Variants in PTPRC observed in about 807,000 individuals in gnomAD.
PTPRC encodes protein tyrosine phosphatase receptor type C, also known as receptor-type tyrosine-protein phosphatase C.
A neutral mutation model predicts 155.9 loss-of-function variants in PTPRC; 44 were observed. The observed-to-expected ratio is 0.28, with a 90% CI of 0.22 to 0.36. The LOEUF (loss-of-function observed/expected upper bound fraction) is 0.36, where lower values mean the gene tolerates loss of function less well. Among genes scored for constraint, PTPRC ranks in the 10% least tolerant of loss-of-function variants. The pLI is 1.00. For synonymous variants in PTPRC, 525 were observed against 533.1 expected (o/e 0.98, Z 0.21); for missense variants, 1,401 against 1,564.6 (o/e 0.90, Z 1.76).
chr1:198,708,774 G>A (rs1206511467), intron 10 of PTPRC, among the ~76,000 whole-genome samples: 1 of 152,116 alleles, frequency 6.6e-6, no homozygotes, highest in African/African-American at 2.4e-5. Context: ...GATATGTTTG[G>A]ATTTGAATTG....
At chr1:198,747,975 A>C in intron 26 of PTPRC, 134 bp from the exon 27 acceptor site, 1 of 1,352,932 alleles carries the variant, frequency 7.4e-7, no homozygotes, top group South Asian at 1.4e-5. Context: ...AAACCGAAAA[A>C]TTATGGCCTA....
At chr1:198,671,058 G>C (rs1043903742) in intron 2 of PTPRC, among the ~76,000 whole-genome samples, 3 of 151,610 alleles carry the variant, frequency 2.0e-5, no homozygotes, top group Admixed American at 6.6e-5. Context: ...ATGTCACATT[G>C]TACCTTATAA....
chr1:198,709,870 A>T, intron 11 of PTPRC, 46 bp downstream of exon 11: 5 of 1,595,190 alleles, frequency 3.1e-6, no homozygotes, highest in Non-Finnish European at 4.3e-6. Flanking sequence ...TTCTCTCTTC[A>T]TGTTCTTATA....
chr1:198,702,840 T>A (rs1318342710), intron 6 of PTPRC, among the ~76,000 whole-genome samples: 4 of 152,228 alleles, frequency 2.6e-5, no homozygotes, highest in Non-Finnish European at 5.9e-5. Flanking sequence ...GGCAAATTAC[T>A]AATACTTTCT....
At chr1:198,641,375 G>T (rs1211455583) in intron 2 of PTPRC, among the ~76,000 whole-genome samples, 1 of 151,942 alleles carries the variant, frequency 6.6e-6, no homozygotes, top group Non-Finnish European at 1.5e-5. Flanking sequence ...TTAGTTTAGT[G>T]CCTACAGGAA....
chr1:198,661,847 A>G (rs971750622), intron 2 of PTPRC, among the ~76,000 whole-genome samples: 4 of 152,182 alleles, frequency 2.6e-5, no homozygotes, highest in African/African-American at 9.7e-5. Flanking sequence ...GACAAAATAG[A>G]CTTCTTTAAG....
At chr1:198,741,724 T>TAAG (rs1654907748) in intron 23 of PTPRC, 145 bp from the exon 24 acceptor site, 2 of 798,622 alleles carry the variant, frequency 2.5e-6, no homozygotes, top group East Asian at 5.4e-5. Context: ...AGAAAATATA[T>TAAG]AAGACACCTG....
chr1:198,754,915 C>T (rs1484547770), intron 32 of PTPRC, among the ~76,000 whole-genome samples: 3 of 152,106 alleles, frequency 2.0e-5, no homozygotes, highest in East Asian at 1.9e-4. Context: ...TGCCAGTAGG[C>T]TGGCATGTGG....
At chr1:198,690,513 CAAG>C (rs940589286) in intron 2 of PTPRC, among the ~76,000 whole-genome samples, 1 of 151,368 alleles carries the variant, frequency 6.6e-6, no homozygotes, top group African/African-American at 2.4e-5. Context: ...AATGAGAAAA[CAAG>C]AAAGTCATTA....
intron 4 of PTPRC, 85 bp downstream of exon 4, chr1:198,696,994 T>C: frequency 8.1e-7 from 1 of 1,230,418 alleles, no homozygotes. Context: ...TGTCTTTAAA[T>C]TATTTGCACA....
At chr1:198,703,648 T>C (rs999872760) in intron 7 of PTPRC, 2 of 534,558 alleles carry the variant, frequency 3.7e-6, no homozygotes, top group Non-Finnish European at 6.7e-6. Context: ...GGGGTTTAGG[T>C]CTTAGTAAGG....
chr1:198,692,882 A>G (rs1375941069), intron 3 of PTPRC: 1 of 890,502 alleles, frequency 1.1e-6, no homozygotes, highest in Non-Finnish European at 1.3e-6. Context: ...GAACACTTCA[A>G]TAGTCCTTAT....
At chr1:198,665,960 A>G (rs190084236) in intron 2 of PTPRC, among the ~76,000 whole-genome samples, 44 of 152,228 alleles carry the variant, frequency 2.9e-4, no homozygotes, top group African/African-American at 9.4e-4. Flanking sequence ...TCATCATTCA[A>G]TATGCTCAAA....
At chr1:198,708,077 C>T (rs1269403665) in intron 9 of PTPRC, 56 bp from the exon 10 acceptor site, 1 of 1,503,492 alleles carries the variant, frequency 6.7e-7, no homozygotes, top group East Asian at 2.3e-5. Flanking sequence ...TGAATGAGGG[C>T]TTAGGATACA....
intron 7 of PTPRC, among the ~76,000 whole-genome samples, chr1:198,704,063 CT>C (rs1171340763): frequency 2.0e-5 from 3 of 151,920 alleles, no homozygotes; most frequent in South Asian, 2.1e-4. Flanking sequence ...TTTTCTCTGA[CT>C]TTTTTTTATG....
At chr1:198,659,658 C>T (rs1255923946) in intron 2 of PTPRC, among the ~76,000 whole-genome samples, 2 of 151,280 alleles carry the variant, frequency 1.3e-5, no homozygotes, top group Non-Finnish European at 2.9e-5. Context: ...CCTCGGACTT[C>T]TGAGTAGCTG....
intron 2 of PTPRC, among the ~76,000 whole-genome samples, chr1:198,689,020 A>G (rs1665784095): frequency 1.3e-5 from 2 of 152,208 alleles, no homozygotes; most frequent in African/African-American, 4.8e-5. Context: ...CCTGGCACCC[A>G]GTAAACACTC....
At chr1:198,750,846 C>T (rs1403297878) in intron 29 of PTPRC, among the ~76,000 whole-genome samples, 1 of 151,986 alleles carries the variant, frequency 6.6e-6, no homozygotes, top group Admixed American at 6.6e-5. Flanking sequence ...GTCTTGCATG[C>T]TGCTCACAGA....
rs981861112 is a variant in PTPRC at position 198,732,358 on chromosome 1, A to G, written c.2033A>G (p.Gln678Arg). 6.2e-7 allele frequency: 1 copy of G among 1,612,586 alleles called. No homozygotes were observed. The highest frequency in any genetic ancestry group is 8.5e-7 in the Non-Finnish European group (1 of 1,179,038). The change falls in exon 19 of 33, where the codon CAG becomes CGG. Residue 678 changes from glutamine to arginine, a missense_variant. This residue lies in a region of PTPRC where 867 missense variants were observed against 970.4 expected (regional missense o/e 0.89). Coordinates refer to ENST00000442510, the MANE Select transcript of PTPRC (RefSeq NM_002838.5). ...PIKEARKPFN[Q>R]NKNRYVDILP... is the part of the protein sequence containing the mutation. ...AAGGAAGCTCGAAAGCCCTTTAACC[A>G]GAATAAAAACCGTTATGTTGACATT...
Sources: gnomAD v4.1 joint callset for allele counts (sites outside exome capture counted in the v4.1 genomes callset) on GRCh38, gnomAD v4.1.1 for gene constraint, gnomAD v4.1.1 regional missense constraint, MANE v1.5 for transcripts, NCBI Gene and HGNC (gene_info 2026-07-23, HGNC 2026-07-21) for gene names.